STAB2: variants seen among roughly 807,000 people sequenced by gnomAD.
STAB2 encodes stabilin 2.
In STAB2, 288 loss-of-function variants were observed where a neutral mutation model predicts 338.1. That is an observed-to-expected ratio of 0.85 (90% CI 0.77 to 0.94). The LOEUF is 0.94. Ranked by LOEUF, STAB2 falls within the 40% of genes least tolerant of loss-of-function variation. STAB2 has a pLI of 0.00. For missense variants in STAB2, 3,141 were observed against 3,210.1 expected (o/e 0.98, Z 0.52); for synonymous variants, 1,202 against 1,193.3 (o/e 1.01, Z -0.15).
At chr12:103,660,635 T>C (rs1327080020) in intron 16 of STAB2, 48 bp from the exon 17 acceptor site, 1 of 1,584,616 alleles carries the variant, frequency 6.3e-7, no homozygotes, top group African/African-American at 1.3e-5. Context: ...CTCAGGGCCC[T>C]GCGTGTGGTC....
chr12:103,665,263 G>A (rs950008772), intron 18 of STAB2, among the ~76,000 whole-genome samples: 7 of 152,328 alleles, frequency 4.6e-5, no homozygotes, highest in African/African-American at 1.7e-4. Context: ...GGAAGTCTCA[G>A]TGTTTACCAG....
chr12:103,761,240 T>C (rs1048645359), intron 65 of STAB2, 60 bp from the exon 66 acceptor site: 33 of 1,524,996 alleles, frequency 2.2e-5, no homozygotes, highest in Non-Finnish European at 2.4e-5. Flanking sequence ...ACAACTTCCC[T>C]CCATGGAGGG....
intron 68 of STAB2, 198 bp downstream of exon 68, chr12:103,763,806 A>C: frequency 2.0e-6 from 1 of 510,560 alleles, no homozygotes; most frequent in Non-Finnish European, 3.5e-6. Flanking sequence ...TCTCTTGGGT[A>C]GACAGCAGAA....
intron 43 of STAB2, among the ~76,000 whole-genome samples, chr12:103,716,911 G>A (rs1297019415): frequency 6.6e-6 from 1 of 152,216 alleles, no homozygotes; most frequent in Non-Finnish European, 1.5e-5. Context: ...GACAGCTGGT[G>A]ATGTCTTGGG....
Position 103,690,535 on chromosome 12 carries a change from TG to T in STAB2, c.3297+1del. On this transcript the variant is annotated frameshift_variant and splice_region_variant, in exon 30 of 69. Coordinates refer to ENST00000388887, the MANE Select transcript of STAB2 (RefSeq NM_017564.10). LOFTEE classifies it high-confidence loss of function. ...ACTTCCTTCACTTGGCAAAGGTGGA[TG>T]GGGTAAGAGCTCTGGAATTTGTCTG... Reference protein sequence around the residue: ...GNFLHLAKVDGNITIEGASIV... With the variant: ...GNFLHLAKVDXNITIEGASIV... The T allele has an allele frequency of 6.2e-7, 1 of 1,613,722 alleles. No homozygotes were observed. Among genetic ancestry groups the T allele is most frequent in the Non-Finnish European group, 8.5e-7 (1 of 1,179,672 alleles).
intron 51 of STAB2, among the ~76,000 whole-genome samples, chr12:103,733,907 C>A (rs1261777000): frequency 7.0e-6 from 1 of 141,966 alleles, no homozygotes; most frequent in African/African-American, 2.8e-5. Flanking sequence ...AGCACAATCA[C>A]ATAGGAGCAA....
Position 103,669,612 on chromosome 12 carries a change from C to A in STAB2, c.2244C>A (p.Cys748Ter), listed in dbSNP as rs769950397. ...NQCPGGFSNP[C>*]SGNGQCADSL... Reference sequence around the variant, plus strand: ...GTCCAGGAGGCTTCTCAAATCCATGCTCAGGAAATGGACAGGTGAATACTG... The same window carrying A: ...GTCCAGGAGGCTTCTCAAATCCATGATCAGGAAATGGACAGGTGAATACTG... The change falls in exon 21 of 69, where the codon TGC becomes TGA. Residue 748 changes from cysteine (C) to a stop codon, truncating the protein, a stop_gained. Transcript: ENST00000388887. LOFTEE classifies it high-confidence loss of function. The A allele has an allele frequency of 6.2e-7, 1 of 1,614,120 alleles. No individual in the cohort carries two copies. The highest frequency in any genetic ancestry group is 8.5e-7 in the Non-Finnish European group (1 of 1,179,954).
intron 12 of STAB2, 109 bp downstream of exon 12, chr12:103,652,814 T>A: frequency 2.4e-6 from 3 of 1,276,254 alleles, no homozygotes; most frequent in Non-Finnish European, 3.2e-6. Flanking sequence ...ACAAGGAAAT[T>A]CTTTCCTCAT....
chr12:103,740,890 C>A, intron 55 of STAB2, 134 bp downstream of exon 55: 2 of 1,291,254 alleles, frequency 1.5e-6, no homozygotes, highest in Non-Finnish European at 2.1e-6. Flanking sequence ...GACCCCAGAA[C>A]TCTGAAGAGT....
intron 1 of STAB2, among the ~76,000 whole-genome samples, 153 bp from the exon 2 acceptor site, chr12:103,590,744 A>G (rs1317694207): frequency 6.6e-6 from 1 of 152,188 alleles, no homozygotes. Context: ...GATTGAAAGG[A>G]GCAAACCAGT....
At chr12:103,597,953 A>C (rs1357346710) in intron 3 of STAB2, among the ~76,000 whole-genome samples, 1 of 152,318 alleles carries the variant, frequency 6.6e-6, no homozygotes, top group South Asian at 2.1e-4. Flanking sequence ...TCATCAAATT[A>C]TCTAAATTTA....
chr12:103,731,502 C>A, intron 49 of STAB2, 74 bp from the exon 50 acceptor site: 1 of 1,516,922 alleles, frequency 6.6e-7, no homozygotes, highest in South Asian at 1.2e-5. Context: ...TACTTTTTTT[C>A]ACTTGAGCTC....
intron 25 of STAB2, among the ~76,000 whole-genome samples, chr12:103,681,114 A>G (rs1209370946): frequency 1.3e-5 from 2 of 152,146 alleles, no homozygotes; most frequent in Admixed American, 1.3e-4. Flanking sequence ...TTTCCTATTT[A>G]TCTTTTTGAT....
At chr12:103,690,379 C>T (rs755905254) in intron 29 of STAB2, 45 bp from the exon 30 acceptor site, 2 of 1,475,424 alleles carry the variant, frequency 1.4e-6, no homozygotes, top group East Asian at 4.5e-5. Flanking sequence ...GATACAGCCC[C>T]ATACATTTAT....
chr12:103,595,426 T>A (rs1424215602), intron 3 of STAB2, among the ~76,000 whole-genome samples: 2 of 151,942 alleles, frequency 1.3e-5, no homozygotes, highest in Non-Finnish European at 2.9e-5. Context: ...AAAGAAAAAA[T>A]ATCAATTTGT....
chr12:103,631,793 G>A, intron 6 of STAB2, 100 bp downstream of exon 6: 2 of 1,163,922 alleles, frequency 1.7e-6, no homozygotes, highest in Non-Finnish European at 2.5e-6. Flanking sequence ...CAGGGGCAAG[G>A]TACTACCAAA....
chr12:103,654,771 C>G, intron 13 of STAB2, 73 bp downstream of exon 13: 1 of 1,518,900 alleles, frequency 6.6e-7, no homozygotes, highest in Admixed American at 2.0e-5. Flanking sequence ...ACATCCAGAG[C>G]ATGCCAGCAC....
intron 16 of STAB2, 136 bp downstream of exon 16, chr12:103,660,520 G>A (rs762571118): frequency 4.8e-5 from 61 of 1,268,064 alleles, no homozygotes; most frequent in Non-Finnish European, 6.7e-5. Flanking sequence ...TGAACAATGA[G>A]TCCATTATCA....
intron 9 of STAB2, among the ~76,000 whole-genome samples, chr12:103,647,036 C>T (rs917423107): frequency 6.6e-6 from 1 of 152,194 alleles, no homozygotes; most frequent in Non-Finnish European, 1.5e-5. Context: ...CTGGAATTTT[C>T]AGTGGACAGC....
Sources: gnomAD v4.1 joint callset for allele counts (sites outside exome capture counted in the v4.1 genomes callset) on GRCh38, gnomAD v4.1.1 for gene constraint, MANE v1.5 for transcripts, NCBI Gene and HGNC (gene_info 2026-07-23, HGNC 2026-07-21) for gene names.